CEP128: variants seen among roughly 807,000 people sequenced by gnomAD.
The protein encoded by CEP128 is centrosomal protein 128kDa.
A neutral mutation model predicts 156.7 loss-of-function variants in CEP128; 132 were observed. The ratio of observed to expected loss-of-function variants is 0.84; its 90% CI spans 0.73 to 0.97. The LOEUF is 0.97. CEP128 is among the 50% of genes least tolerant of loss of function. CEP128 has a pLI of 0.00. For missense variants in CEP128, 1,252 were observed against 1,281.9 expected (o/e 0.98, Z 0.36); for synonymous variants, 469 against 448.9 (o/e 1.04, Z -0.57).
intron 9 of CEP128, among the ~76,000 whole-genome samples, chr14:80,848,062 C>A (rs12589935): frequency 2.0e-5 from 3 of 152,052 alleles, no homozygotes; most frequent in African/African-American, 7.2e-5. Flanking sequence ...GTCCCTGCCT[C>A]CATAAAGCCT....
chr14:80,816,420 G>A (rs532318107), intron 13 of CEP128, among the ~76,000 whole-genome samples: 2 of 152,300 alleles, frequency 1.3e-5, no homozygotes, highest in African/African-American at 4.8e-5. Flanking sequence ...AGCAGAAGGT[G>A]TGGCAGGCCA....
chr14:80,519,087 C>A (rs1042516647), intron 23 of CEP128, among the ~76,000 whole-genome samples: 1 of 152,212 alleles, frequency 6.6e-6, no homozygotes. Context: ...AAGGAACATT[C>A]TTTGCAATTC....
intron 19 of CEP128, among the ~76,000 whole-genome samples, chr14:80,621,231 T>C (rs186857601): frequency 1.4e-4 from 22 of 152,294 alleles, no homozygotes; most frequent in Non-Finnish European, 4.4e-5. Flanking sequence ...TAAGAAAAGC[T>C]TAGTTAGTTG....
chr14:80,686,737 C>G (rs971980939), intron 19 of CEP128, among the ~76,000 whole-genome samples: 3 of 152,004 alleles, frequency 2.0e-5, no homozygotes, highest in African/African-American at 7.2e-5. Context: ...GGAAAATCTA[C>G]CAAGCAAATG....
At chr14:80,772,053 T>C (rs1055149264) in intron 16 of CEP128, among the ~76,000 whole-genome samples, 3 of 152,280 alleles carry the variant, frequency 2.0e-5, no homozygotes, top group African/African-American at 4.8e-5. Context: ...ATACCAAATG[T>C]TTTTTGGAAT....
At chr14:80,564,422 C>T (rs1442310640) in intron 20 of CEP128, among the ~76,000 whole-genome samples, 2 of 152,032 alleles carry the variant, frequency 1.3e-5, no homozygotes, top group East Asian at 1.9e-4. Context: ...TATAGGATTC[C>T]CTCAATATAC....
chr14:80,639,639 C>T (rs577241991), intron 19 of CEP128, among the ~76,000 whole-genome samples: 2 of 152,214 alleles, frequency 1.3e-5, no homozygotes, highest in South Asian at 4.1e-4. Context: ...CTAAAATTAA[C>T]ACATTATTGA....
At chr14:80,641,536 T>C (rs1056338276) in intron 19 of CEP128, among the ~76,000 whole-genome samples, 8 of 152,188 alleles carry the variant, frequency 5.3e-5, no homozygotes, top group Admixed American at 6.5e-5. Context: ...TTTCCTAGAA[T>C]CGGATACAGT....
At chr14:80,714,390 G>T (rs1897526898) in intron 19 of CEP128, among the ~76,000 whole-genome samples, 1 of 152,040 alleles carries the variant, frequency 6.6e-6, no homozygotes, top group Admixed American at 6.6e-5. Context: ...AGCTGGGAAA[G>T]GCAGAAGAAA....
At chr14:80,526,312 C>A (rs1289520175) in intron 23 of CEP128, among the ~76,000 whole-genome samples, 1 of 152,128 alleles carries the variant, frequency 6.6e-6, no homozygotes, top group East Asian at 1.9e-4. Context: ...TTTAAAATCA[C>A]CCAGATCCCA....
chr14:80,852,619 A>C (rs1014713719), intron 9 of CEP128, among the ~76,000 whole-genome samples: 2 of 151,928 alleles, frequency 1.3e-5, no homozygotes, highest in Admixed American at 1.3e-4. Flanking sequence ...TGAATTACCA[A>C]ATTGACTTAA....
intron 19 of CEP128, among the ~76,000 whole-genome samples, chr14:80,609,690 A>G (rs57152414): frequency 6.6e-6 from 1 of 152,348 alleles, no homozygotes; most frequent in African/African-American, 2.4e-5. Context: ...GTTAACCTCA[A>G]TGTAAACAGC....
chr14:80,877,549 C>A (rs1384083817), intron 8 of CEP128, among the ~76,000 whole-genome samples: 3 of 152,210 alleles, frequency 2.0e-5, no homozygotes, highest in East Asian at 3.9e-4. Context: ...GGCACACACA[C>A]AAAAAACACA....
intron 13 of CEP128, among the ~76,000 whole-genome samples, chr14:80,808,561 C>T (rs1343618358): frequency 1.3e-5 from 2 of 152,278 alleles, no homozygotes; most frequent in East Asian, 3.9e-4. Context: ...GCTACCACTA[C>T]CTGCATGCAA....
intron 19 of CEP128, among the ~76,000 whole-genome samples, chr14:80,733,009 G>A (rs1314571908): frequency 6.6e-6 from 1 of 152,066 alleles, no homozygotes; most frequent in African/African-American, 2.4e-5. Flanking sequence ...GTCTGTGAGG[G>A]TGTTTCTAAA....
At chr14:80,480,679 C>T (rs1887035337) in intron 14 of CEP128, among the ~76,000 whole-genome samples, 1 of 152,168 alleles carries the variant, frequency 6.6e-6, no homozygotes, top group South Asian at 2.1e-4. Flanking sequence ...AAACTTCATG[C>T]TCTGCTTCCC....
At chr14:80,816,010 C>G (rs866504360) in intron 13 of CEP128, among the ~76,000 whole-genome samples, 3 of 152,054 alleles carry the variant, frequency 2.0e-5, no homozygotes, top group Middle Eastern at 6.8e-3. Flanking sequence ...GTGTATTATT[C>G]CCATGATGGC....
Position 80,905,975 on chromosome 14 carries a change from A to G in CEP128, c.341T>C (p.Leu114Pro). The G allele has an allele frequency of 2.5e-6, 4 of 1,613,210 alleles. No individual in the cohort carries two copies. The South Asian group carries it at 4.4e-5, about 18-fold the overall frequency. ...ISVTSLSASD[L>P]DGGTGSELHH... Reference sequence around the variant, plus strand: ...TTTACCTGACCCAGTGCCACCATCAAGGTCACTTGCACTCAAACTTGTAAC... The same window carrying G: ...TTTACCTGACCCAGTGCCACCATCAGGGTCACTTGCACTCAAACTTGTAAC... Residue 114 changes from leucine to proline, a missense_variant, in exon 5 of 25, where the codon CTT becomes CCT. By Grantham distance (98) the Leu-to-Pro change is moderately conservative. Transcript: ENST00000555265.
intron 16 of CEP128, among the ~76,000 whole-genome samples, chr14:80,769,256 G>A (rs1900392998): frequency 6.6e-6 from 1 of 150,598 alleles, no homozygotes; most frequent in Admixed American, 6.6e-5. Flanking sequence ...TTTCTTAAAG[G>A]ATACTGAATT....
Sources: allele counts gnomAD v4.1 joint callset (sites outside exome capture counted in the v4.1 genomes callset), GRCh38; gene constraint gnomAD v4.1.1; transcripts MANE v1.5; gene names NCBI Gene and HGNC (gene_info 2026-07-23, HGNC 2026-07-21).